The following GALNT14 variants were observed in gnomAD, a reference collection of about 807,000 sequenced individuals.
GALNT14 encodes the protein polypeptide N-acetylgalactosaminyltransferase 14.
GALNT14 carries 60 observed loss-of-function variants against 77.5 expected under a neutral mutation model. The observed-to-expected ratio is 0.77, with a 90% CI of 0.63 to 0.96. The LOEUF (loss-of-function observed/expected upper bound fraction) is 0.96, where lower values mean the gene tolerates loss of function less well. Among genes scored for constraint, GALNT14 ranks in the 40% least tolerant of loss-of-function variants. The pLI is 0.00. For missense variants in GALNT14, 710 were observed against 731.0 expected (o/e 0.97, Z 0.33); for synonymous variants, 280 against 281.7 (o/e 0.99, Z 0.06).
chr2:31,125,298 G>C, intron 1 of GALNT14: 1 of 1,308,648 alleles, frequency 7.6e-7, no homozygotes, highest in Non-Finnish European at 1.1e-6. Flanking sequence ...CATTTCTTTG[G>C]CAATTAATAG....
At chr2:31,019,594 C>A (rs142245666) in intron 1 of GALNT14, among the ~76,000 whole-genome samples, 1 of 152,164 alleles carries the variant, frequency 6.6e-6, no homozygotes, top group Non-Finnish European at 1.5e-5. Flanking sequence ...AGGATGATGA[C>A]GGGATAGTCC....
chr2:31,025,091 T>C (rs1230189398), intron 1 of GALNT14, among the ~76,000 whole-genome samples: 1 of 152,220 alleles, frequency 6.6e-6, no homozygotes, highest in Non-Finnish European at 1.5e-5. Flanking sequence ...AAGACAATAG[T>C]TATTAAGACA....
chr2:31,125,496 G>C (rs1396413601), intron 1 of GALNT14, among the ~76,000 whole-genome samples: 2 of 151,956 alleles, frequency 1.3e-5, no homozygotes, highest in Non-Finnish European at 2.9e-5. Flanking sequence ...AGAATGGAAG[G>C]AAAAAAGAAC....
chr2:31,080,123 G>T (rs1676066001), intron 1 of GALNT14, among the ~76,000 whole-genome samples: 1 of 152,200 alleles, frequency 6.6e-6, no homozygotes, highest in African/African-American at 2.4e-5. Flanking sequence ...AATGAAACAG[G>T]ACAAAGAAAA....
chr2:30,958,829 T>C (rs1480129452), intron 3 of GALNT14, among the ~76,000 whole-genome samples: 1 of 152,178 alleles, frequency 6.6e-6, no homozygotes, highest in Non-Finnish European at 1.5e-5. Context: ...TTCTGTCTAG[T>C]TTATAGCCTC....
intron 1 of GALNT14, among the ~76,000 whole-genome samples, chr2:31,048,639 T>G (rs2148514377): frequency 9.7e-6 from 1 of 103,516 alleles, no homozygotes; most frequent in South Asian, 3.6e-4. Context: ...CAGCAGCAAT[T>G]TCAGCATCCT....
At chr2:30,983,319 G>T (rs73923322) in intron 2 of GALNT14, among the ~76,000 whole-genome samples, 6,122 of 142,556 alleles carry the variant, frequency 0.043, 399 homozygotes, top group African/African-American at 0.15. Context: ...TGTTTTTTTT[G>T]TTGTTGTTGT....
the GALNT14 span, among the ~76,000 whole-genome samples, chr2:30,905,236 G>A: frequency 6.6e-6 from 1 of 152,212 alleles, no homozygotes; most frequent in Non-Finnish European, 1.5e-5. Flanking sequence ...GCTGAGAGAA[G>A]AAGCCTTCAG....
chr2:31,136,025 G>A (rs1355649433), intron 1 of GALNT14, among the ~76,000 whole-genome samples: 3 of 152,182 alleles, frequency 2.0e-5, no homozygotes, highest in African/African-American at 7.2e-5. Flanking sequence ...GCAAAACAGA[G>A]AAAGTTCATG....
At chr2:30,935,568 C>T (rs778827427) in intron 9 of GALNT14, among the ~76,000 whole-genome samples, 2 of 152,170 alleles carry the variant, frequency 1.3e-5, no homozygotes, top group Admixed American at 6.5e-5. Flanking sequence ...TGACATGGAT[C>T]GCTGTGCTGC....
chr2:31,128,226 C>A (rs1169024234), intron 1 of GALNT14, among the ~76,000 whole-genome samples: 2 of 152,102 alleles, frequency 1.3e-5, no homozygotes, highest in Non-Finnish European at 2.9e-5. Flanking sequence ...TGGGTAGAAC[C>A]AGCAGGCCAC....
chr2:31,064,669 T>A (rs1674820135), intron 1 of GALNT14, among the ~76,000 whole-genome samples: 1 of 152,096 alleles, frequency 6.6e-6, no homozygotes, highest in African/African-American at 2.4e-5. Context: ...GAGATCATCC[T>A]ATTGGATCTC....
intron 1 of GALNT14, among the ~76,000 whole-genome samples, chr2:31,088,891 G>C (rs1676591360): frequency 6.6e-6 from 1 of 152,164 alleles, no homozygotes; most frequent in African/African-American, 2.4e-5. Context: ...GCTGGCTTTA[G>C]ATAAGAGGAG....
At chr2:30,965,854 G>C (rs1032603077) in intron 3 of GALNT14, among the ~76,000 whole-genome samples, 12 of 152,096 alleles carry the variant, frequency 7.9e-5, no homozygotes, top group African/African-American at 2.4e-4. Flanking sequence ...CAGCCTTTCA[G>C]GGCCTCAGCC....
At chr2:31,130,258 A>C (rs1338113426) in intron 1 of GALNT14, among the ~76,000 whole-genome samples, 1 of 152,230 alleles carries the variant, frequency 6.6e-6, no homozygotes, top group African/African-American at 2.4e-5. Flanking sequence ...GCTGATAGAA[A>C]GGCCAGAGTG....
rs566551314 is a variant in GALNT14, at chr2:30,996,008, C to T, written c.130-3001G>A. Among the ~76,000 whole-genome samples the T allele has an allele frequency of 2.0e-5, 3 of 152,282 alleles. No homozygotes were observed. In the South Asian group the frequency reaches 6.2e-4, roughly 32 times the overall value. On this transcript the variant is annotated intron_variant, in intron 1 of 14. Coordinates refer to ENST00000349752, the MANE Select transcript of GALNT14 (RefSeq NM_024572.4). ...CAAAGACATCAGCAGGAGGAATTCC[C>T]TCTTAGCCTTTTTGCTCTTTTCAGA... is the stretch of plus-strand genomic sequence containing the variant.
At chr2:30,946,699 A>T (rs1666718456) in intron 6 of GALNT14, among the ~76,000 whole-genome samples, 2 of 152,006 alleles carry the variant, frequency 1.3e-5, no homozygotes, top group Admixed American at 6.6e-5. Context: ...TGGGAAGGTG[A>T]CCCCAAGACT....
intron 9 of GALNT14, among the ~76,000 whole-genome samples, chr2:30,932,890 G>A (rs990304424): frequency 3.9e-5 from 6 of 152,328 alleles, no homozygotes; most frequent in South Asian, 2.1e-4. Context: ...AATGCTGGAA[G>A]CCTCAAAGCT....
intron 9 of GALNT14, among the ~76,000 whole-genome samples, chr2:30,940,149 TGC>T (rs1666295659): frequency 6.6e-6 from 1 of 152,176 alleles, no homozygotes; most frequent in Non-Finnish European, 1.5e-5. Context: ...TGTGATGGAT[TGC>T]AAATGTCTCT....
Sources: gnomAD v4.1 joint callset for allele counts (sites outside exome capture counted in the v4.1 genomes callset) on GRCh38, gnomAD v4.1.1 for gene constraint, MANE v1.5 for transcripts, NCBI Gene and HGNC (gene_info 2026-07-23, HGNC 2026-07-21) for gene names.